RIMS2: variants seen among roughly 807,000 people sequenced by gnomAD.
The protein encoded by RIMS2 is regulating synaptic membrane exocytosis 2.
Under a neutral mutation model 174.4 loss-of-function variants are expected in RIMS2, and 59 were observed. That is an observed-to-expected ratio of 0.34 (90% CI 0.27 to 0.42). The LOEUF (loss-of-function observed/expected upper bound fraction) is 0.42, where lower values mean the gene tolerates loss of function less well. RIMS2 is among the 10% of genes least tolerant of loss of function. The pLI, the probability that RIMS2 is intolerant of heterozygous loss-of-function variation, is 1.00. For missense variants in RIMS2, 1,620 were observed against 1,666.3 expected, an observed-to-expected ratio of 0.97 and a Z score of 0.48; for synonymous variants, 606 against 572.5, an observed-to-expected ratio of 1.06 and a Z score of -0.84.
At chr8:104,239,546 T>G (rs1003871448) in intron 19 of RIMS2, among the ~76,000 whole-genome samples, 3 of 152,200 alleles carry the variant, frequency 2.0e-5, no homozygotes, top group African/African-American at 7.2e-5. Flanking sequence ...TATATGTTTA[T>G]GTATGCATGT....
intron 1 of RIMS2, among the ~76,000 whole-genome samples, chr8:103,684,773 G>C (rs1237866096): frequency 6.6e-6 from 1 of 151,824 alleles, no homozygotes; most frequent in Non-Finnish European, 1.5e-5. Context: ...TTTTAGTAGA[G>C]ATGGGATTTC....
chr8:103,502,164 T>A (rs1332255761), intron 1 of RIMS2, among the ~76,000 whole-genome samples: 1 of 152,136 alleles, frequency 6.6e-6, no homozygotes, highest in Non-Finnish European at 1.5e-5. Flanking sequence ...TTTCCCATAT[T>A]CTCCACAGAA....
chr8:103,910,200 T>C lies in RIMS2; in HGVS notation c.1691T>C (p.Leu564Ser). 1.9e-6 allele frequency: 3 copies of C among 1,602,386 alleles called. No homozygotes were observed. The South Asian group carries it at 3.3e-5, about 18-fold the overall frequency. The change falls in exon 5 of 24, where the codon TTG becomes TCG. Residue 564 changes from leucine (L) to serine (S), a missense_variant and splice_region_variant. Leu to Ser is a moderately radical substitution (Grantham distance 145). Around this residue, in one of 2 missense-constraint regions of RIMS2, gnomAD observed 1,395 missense variants for 1,360.1 expected, o/e 1.03. Coordinates refer to ENST00000504942, the Ensembl canonical transcript of RIMS2. ...AGCAGTGAGGCATCCCCAATGTCTT[T>C]GGTGAGACATGTGGAGCCTTACTAT...
intron 19 of RIMS2, among the ~76,000 whole-genome samples, chr8:104,043,611 CAAT>C (rs1242920237): frequency 6.6e-6 from 1 of 151,488 alleles, no homozygotes; most frequent in East Asian, 1.9e-4. Flanking sequence ...GATAAGGTCT[CAAT>C]GATAGAACTG....
intron 1 of RIMS2, among the ~76,000 whole-genome samples, chr8:103,528,579 G>A (rs1563652383): frequency 6.6e-6 from 1 of 152,174 alleles, no homozygotes; most frequent in East Asian, 1.9e-4. Flanking sequence ...TAAGGTGTAA[G>A]GAAGGGATTC....
intron 16 of RIMS2, among the ~76,000 whole-genome samples, chr8:103,979,443 A>T (rs1190934909): frequency 6.6e-6 from 1 of 152,214 alleles, no homozygotes; most frequent in Admixed American, 6.5e-5. Context: ...TTAAAATGGA[A>T]CTACCATATG....
intron 3 of RIMS2, among the ~76,000 whole-genome samples, chr8:103,772,824 A>C (rs2098269199): frequency 2.0e-5 from 3 of 152,200 alleles, no homozygotes; most frequent in Admixed American, 6.5e-5. Context: ...AATTTTTGAC[A>C]GAGAGGCAAA....
intron 1 of RIMS2, among the ~76,000 whole-genome samples, chr8:103,669,751 T>G (rs2096721807): frequency 6.6e-6 from 1 of 152,254 alleles, no homozygotes; most frequent in Non-Finnish European, 1.5e-5. Context: ...AGGTAGGTTC[T>G]CATAGTCTTG....
chr8:104,201,349 A>G (rs2099053649), intron 19 of RIMS2, among the ~76,000 whole-genome samples: 1 of 152,220 alleles, frequency 6.6e-6, no homozygotes, highest in African/African-American at 2.4e-5. Flanking sequence ...TAAGGTTTCT[A>G]TATTTTTTCA....
intron 19 of RIMS2, among the ~76,000 whole-genome samples, chr8:104,050,830 CAATACTT>C (rs2154558788): frequency 6.6e-6 from 1 of 152,198 alleles, no homozygotes; most frequent in Admixed American, 6.5e-5. Flanking sequence ...TAACATGTAA[CAATACTT>C]AATATTCATT....
chr8:103,526,066 G>GAAGCT (rs1331532260), intron 1 of RIMS2, among the ~76,000 whole-genome samples: 1 of 152,214 alleles, frequency 6.6e-6, no homozygotes. Context: ...AAGAGGCTGA[G>GAAGCT]AAGCTAAGAA....
intron 1 of RIMS2, among the ~76,000 whole-genome samples, chr8:103,527,536 C>G (rs1834677754): frequency 6.6e-6 from 1 of 151,848 alleles, no homozygotes. Flanking sequence ...GCTATCCGTC[C>G]CCCATCCCCC....
At chr8:104,010,002 A>T (rs1292340748) in intron 17 of RIMS2, among the ~76,000 whole-genome samples, 1 of 151,636 alleles carries the variant, frequency 6.6e-6, no homozygotes, top group Non-Finnish European at 1.5e-5. Flanking sequence ...GGATGGATGG[A>T]TGGATGGATG....
Position 103,697,081 on chromosome 8 carries a change from T to C in RIMS2, c.177-5T>C, listed in dbSNP as rs764208410. ...AACTTTTTTTCTTATCTATTTTCTC[T>C]GCAGAAAACTGCATCAGCAGTTTGA... On this transcript the variant is annotated splice_polypyrimidine_tract_variant and splice_region_variant and intron_variant, in intron 1 of 23. Transcript: ENST00000504942. 4 of 1,605,372 alleles carry C rather than the reference T, an allele frequency of 2.5e-6. No individual in the cohort carries two copies. The highest frequency in any genetic ancestry group is 3.3e-5 in the Admixed American group (2 of 59,960).
chr8:103,685,723 A>G (rs1324231909), intron 1 of RIMS2, among the ~76,000 whole-genome samples: 2 of 152,206 alleles, frequency 1.3e-5, no homozygotes, highest in African/African-American at 4.8e-5. Context: ...TTACTTGATC[A>G]CTACAGCTTT....
chr8:103,742,619 T>G (rs1459510145), intron 2 of RIMS2, among the ~76,000 whole-genome samples: 1 of 152,186 alleles, frequency 6.6e-6, no homozygotes, highest in Non-Finnish European at 1.5e-5. Context: ...TATTAATTTA[T>G]AAAAGCTCTC....
At chr8:103,616,867 C>A (rs2095516727) in intron 1 of RIMS2, among the ~76,000 whole-genome samples, 1 of 152,064 alleles carries the variant, frequency 6.6e-6, no homozygotes, top group Admixed American at 6.5e-5. Flanking sequence ...TCAAAGAAAT[C>A]AGAGAAGACA....
intron 1 of RIMS2, among the ~76,000 whole-genome samples, chr8:103,585,886 A>G (rs946269891): frequency 1.3e-5 from 2 of 151,448 alleles, no homozygotes; most frequent in African/African-American, 4.9e-5. Flanking sequence ...CCCAGAACTT[A>G]AAGAAAAATT....
intron 3 of RIMS2, among the ~76,000 whole-genome samples, chr8:103,795,882 T>C (rs1432767345): frequency 1.3e-5 from 2 of 152,190 alleles, no homozygotes; most frequent in African/African-American, 4.8e-5. Context: ...AATCTTACCT[T>C]GTGTTCCACA....
Sources: allele counts gnomAD v4.1 joint callset (sites outside exome capture counted in the v4.1 genomes callset), GRCh38; gene constraint gnomAD v4.1.1; regional missense constraint gnomAD v4.1.1; transcripts MANE v1.5; gene names NCBI Gene and HGNC (gene_info 2026-07-23, HGNC 2026-07-21).